MYO18B: variants seen among roughly 807,000 people sequenced by gnomAD.
The protein encoded by MYO18B is myosin XVIIIB.
MYO18B carries 204 observed loss-of-function variants against 273.0 expected under a neutral mutation model. The ratio of observed to expected loss-of-function variants is 0.75; its 90% confidence interval spans 0.67 to 0.84. MYO18B has a LOEUF of 0.84. Among genes scored for constraint, MYO18B ranks in the 40% least tolerant of loss-of-function variants. The probability of loss-of-function intolerance (pLI) is 0.00; values close to 1 mark genes in which losing one functional copy is unlikely to be tolerated. For missense variants in MYO18B, 3,212 were observed against 3,287.6 expected (o/e 0.98, Z 0.56); for synonymous variants, 1,330 against 1,305.7 (o/e 1.02, Z -0.40).
chr22:25,993,140 T>C (rs551132043), intron 40 of MYO18B, among the ~76,000 whole-genome samples: 9 of 152,226 alleles, frequency 5.9e-5, no homozygotes, highest in African/African-American at 2.2e-4. Context: ...CATCTCTGCT[T>C]GAATCTCAAG....
Position 25,868,366 on chromosome 22 carries a change from T to C in MYO18B, c.3932T>C (p.Val1311Ala), listed in dbSNP as rs1284905601. ...LETLDLEKKA[V>A]AVGHSQVFLK... ...ACCCTGGATCTGGAAAAGAAGGCGG[T>C]GGCTGTGGGGCACAGCCAAGTGAGT... is the stretch of plus-strand genomic sequence containing the variant. The change falls in exon 22 of 44, where the codon GTG becomes GCG. Residue 1311 changes from valine to alanine, a missense_variant. By Grantham distance (64) the Val-to-Ala change is moderately conservative. Transcript: ENST00000335473. The C allele has an allele frequency of 1.2e-6, 2 of 1,601,366 alleles. No individual in the cohort carries two copies. The highest frequency in any genetic ancestry group is 2.7e-5 in the African/African-American group (2 of 74,770).
At chr22:25,854,738 G>A (rs2090519011) in intron 21 of MYO18B, among the ~76,000 whole-genome samples, 1 of 152,100 alleles carries the variant, frequency 6.6e-6, no homozygotes, top group African/African-American at 2.4e-5. Context: ...ACTATTCTAA[G>A]TCCATCATAG....
At chr22:25,992,754 G>A (rs79848806) in intron 40 of MYO18B, among the ~76,000 whole-genome samples, 3,818 of 152,268 alleles carry the variant, frequency 0.025, 172 homozygotes, top group African/African-American at 0.084. Flanking sequence ...AAGGACTAGC[G>A]TATGGTCTTC....
At chr22:25,800,642 G>C (rs1214310792) in intron 12 of MYO18B, among the ~76,000 whole-genome samples, 2 of 152,236 alleles carry the variant, frequency 1.3e-5, no homozygotes, top group East Asian at 3.8e-4. Flanking sequence ...TGAGGAATAT[G>C]CCTCCTGGTT....
rs532164266 is a variant in MYO18B, at chr22:25,838,097, G to T, written c.3208+2654G>T. Among the ~76,000 whole-genome samples the T allele has an allele frequency of 4.0e-5, 6 of 151,784 alleles. No individual in the cohort carries two copies. In the South Asian group the frequency reaches 1.0e-3, roughly 26 times the overall value. On this transcript the variant is annotated intron_variant, in intron 17 of 43. Transcript: ENST00000335473. ...ATGTTTTAATTTCTGGAAAGAAAAA[G>T]AACTTTTAGGCCAAGGGCAATTCTT...
intron 31 of MYO18B, among the ~76,000 whole-genome samples, chr22:25,906,186 A>G (rs540887806): frequency 1.3e-5 from 2 of 152,344 alleles, no homozygotes; most frequent in Non-Finnish European, 2.9e-5. Flanking sequence ...TTTATTGATT[A>G]TAATACAACA....
chr22:25,993,383 C>T (rs5761340), intron 40 of MYO18B, among the ~76,000 whole-genome samples: 93,278 of 151,978 alleles, frequency 0.61, 30,436 homozygotes, highest in African/African-American at 0.81. Flanking sequence ...TTTCCTTACA[C>T]AGCTTTTCAA....
At chr22:26,040,930 A>G in the MYO18B span, among the ~76,000 whole-genome samples, 1 of 152,174 alleles carries the variant, frequency 6.6e-6, no homozygotes, top group South Asian at 2.1e-4. Flanking sequence ...AGGGTGACCA[A>G]TCATCTCACT....
At position 25,770,952 on chromosome 22, in the gene MYO18B, A is replaced by G. The variant is rs1001995967; in HGVS notation, c.1660A>G (p.Ile554Val). The change falls in exon 6 of 44, where the codon ATC (isoleucine) becomes GTC (valine). Residue 554 changes from isoleucine to valine, a missense_variant. Transcript: ENST00000335473. Reference protein sequence around the residue: ...VRLWIDADKTITEVDEEHVHR... With the variant: ...VRLWIDADKTVTEVDEEHVHR... The stretch of plus-strand genomic sequence containing the variant: ...ACTTTGGATTGATGCTGACAAAACC[A>G]TCACTGAGGTGGATGAGGAGCATGT... The G allele has an allele frequency of 6.4e-7, 1 of 1,552,078 alleles. No individual in the cohort carries two copies. The highest frequency in any genetic ancestry group is 8.7e-7 in the Non-Finnish European group (1 of 1,147,204).
chr22:25,772,545 C>T (rs375833202), intron 7 of MYO18B, 35 bp downstream of exon 7: 1 of 1,594,334 alleles, frequency 6.3e-7, no homozygotes, highest in South Asian at 1.1e-5. Flanking sequence ...GGCTGAGGGG[C>T]TGAGGGCAGG....
chr22:26,037,963 T>C, the MYO18B span, among the ~76,000 whole-genome samples: 2 of 152,204 alleles, frequency 1.3e-5, no homozygotes, highest in Non-Finnish European at 2.9e-5. Flanking sequence ...AGAGTGTTCC[T>C]TGTGGCTGAG....
At chr22:25,839,630 G>C (rs1362018220) in intron 17 of MYO18B, among the ~76,000 whole-genome samples, 2 of 152,176 alleles carry the variant, frequency 1.3e-5, no homozygotes, top group African/African-American at 4.8e-5. Context: ...GGCTAGCGCT[G>C]AACCTGGGTT....
At chr22:25,795,484 G>A (rs1249004141) in intron 11 of MYO18B, among the ~76,000 whole-genome samples, 1 of 152,182 alleles carries the variant, frequency 6.6e-6, no homozygotes. Flanking sequence ...CTGGTAGATG[G>A]TGGAATCCTT....
chr22:25,768,512 CT>C lies in MYO18B; in HGVS notation c.598del (p.Cys200ValfsTer32). On this transcript the variant is annotated frameshift_variant, in exon 4 of 44. Transcript: ENST00000335473. LOFTEE classifies it high-confidence loss of function. Reference sequence around the variant, plus strand: ...AAGAAAGGGGAGACCTCTAGGACTCCTTGTGGCTCCCAGGCCAGCACCGAGA... The same window carrying C: ...AAGAAAGGGGAGACCTCTAGGACTCCTGTGGCTCCCAGGCCAGCACCGAGA... ...KEKKGETSRTPCGSQASTEIL... is the reference protein window; with the variant it reads ...KEKKGETSRTXCGSQASTEIL... 1 of 1,584,118 alleles carries C rather than the reference CT, an allele frequency of 6.3e-7. No homozygotes were observed. Among genetic ancestry groups the C allele is most frequent in the East Asian group, 2.2e-5 (1 of 44,574 alleles).
the MYO18B span, among the ~76,000 whole-genome samples, chr22:26,047,861 CCT>C: frequency 6.6e-6 from 1 of 151,986 alleles, no homozygotes; most frequent in East Asian, 1.9e-4. Context: ...TGCTCCAGTC[CCT>C]GTTTACCCCC....
chr22:25,921,494 C>T (rs572056954), intron 34 of MYO18B, 85 bp downstream of exon 34: 91 of 1,474,490 alleles, frequency 6.2e-5, no homozygotes, highest in Middle Eastern at 4.7e-4. Context: ...CAGGTATGAG[C>T]GGAACCATGG....
intron 39 of MYO18B, among the ~76,000 whole-genome samples, chr22:25,973,776 C>T (rs1450847852): frequency 6.6e-6 from 1 of 152,176 alleles, no homozygotes; most frequent in Admixed American, 6.5e-5. Context: ...TTTGTAATTG[C>T]CTCCCAGACT....
At position 25,914,981 on chromosome 22, in the gene MYO18B, A is replaced by G. The variant is rs570351895; in HGVS notation, c.5364+3931A>G. On this transcript the variant is annotated intron_variant, in intron 33 of 43. Transcript: ENST00000335473. The stretch of plus-strand genomic sequence containing the variant: ...CAAAGTGCTGGGATTACAGGCATGA[A>G]ACACCGCGCCCGGCCAGTTTTGACT... Among the ~76,000 whole-genome samples, 893 of 151,730 alleles carry G rather than the reference A, an allele frequency of 5.9e-3. 6 individuals are homozygous for G. The highest frequency in any genetic ancestry group is 0.02 in the African/African-American group (847 of 41,348).
At chr22:26,053,226 G>C in the MYO18B span, among the ~76,000 whole-genome samples, 10 of 152,272 alleles carry the variant, frequency 6.6e-5, no homozygotes. Context: ...TCCAAAATGT[G>C]CTTGGGTTAT....
Sources: gnomAD v4.1 joint callset for allele counts (sites outside exome capture counted in the v4.1 genomes callset) on GRCh38, gnomAD v4.1.1 for gene constraint, MANE v1.5 for transcripts, NCBI Gene and HGNC (gene_info 2026-07-23, HGNC 2026-07-21) for gene names.